Variants in EYS observed in about 807,000 individuals in gnomAD.
The protein encoded by EYS is EGF-like photoreceptor maintenance factor, also known as protein eyes shut homolog.
Under a neutral mutation model 282.1 loss-of-function variants are expected in EYS, and 250 were observed. The observed-to-expected ratio is 0.89, with a 90% CI of 0.80 to 0.98. EYS has a LOEUF of 0.98. Among genes scored for constraint, EYS ranks in the 50% least tolerant of loss-of-function variants. The pLI, the probability that EYS is intolerant of heterozygous loss-of-function variation, is 0.00. For synonymous variants in EYS, 1,355 were observed against 1,282.9 expected (o/e 1.06, Z -1.20); for missense variants, 4,016 against 3,709.0 (o/e 1.08, Z -2.15).
intron 12 of EYS, among the ~76,000 whole-genome samples, chr6:65,272,225 G>T (rs1767925288): frequency 6.6e-6 from 1 of 152,126 alleles, no homozygotes; most frequent in African/African-American, 2.4e-5. Context: ...GTACCCAATG[G>T]TGACTATTTA....
intron 39 of EYS, among the ~76,000 whole-genome samples, chr6:63,782,583 G>A (rs1770258680): frequency 6.6e-6 from 1 of 152,160 alleles, no homozygotes; most frequent in Admixed American, 6.5e-5. Flanking sequence ...ATTTCTGTGG[G>A]ATCGGTGGTG....
At chr6:65,244,424 T>C (rs1203450533) in intron 12 of EYS, among the ~76,000 whole-genome samples, 3 of 152,208 alleles carry the variant, frequency 2.0e-5, no homozygotes, top group Non-Finnish European at 4.4e-5. Context: ...TTTGTTCCTA[T>C]TGTTCTCTTA....
At chr6:64,497,197 A>T (rs774889645) in intron 26 of EYS, among the ~76,000 whole-genome samples, 3 of 152,160 alleles carry the variant, frequency 2.0e-5, no homozygotes, top group South Asian at 2.1e-4. Context: ...TTCTACTTGC[A>T]CATAGTGTAC....
chr6:64,570,949 C>T (rs796105219), intron 26 of EYS, among the ~76,000 whole-genome samples: 8 of 152,242 alleles, frequency 5.3e-5, no homozygotes, highest in African/African-American at 1.9e-4. Context: ...ATCTACAGAA[C>T]TCTCCACCCC....
At chr6:63,966,433 C>T (rs774740980) in intron 35 of EYS, among the ~76,000 whole-genome samples, 3 of 152,062 alleles carry the variant, frequency 2.0e-5, no homozygotes, top group Non-Finnish European at 2.9e-5. Flanking sequence ...GTGATGAGTG[C>T]ACCAAAATCT....
intron 2 of EYS, among the ~76,000 whole-genome samples, chr6:65,598,267 T>G (rs1353308272): frequency 9.4e-6 from 1 of 106,478 alleles, no homozygotes; most frequent in Non-Finnish European, 1.7e-5. Flanking sequence ...AAACAAAAAC[T>G]TTTCTCTCCT....
At chr6:64,514,516 GAACACT>G (rs1441721810) in intron 26 of EYS, among the ~76,000 whole-genome samples, 1 of 151,786 alleles carries the variant, frequency 6.6e-6, no homozygotes, top group Non-Finnish European at 1.5e-5. Flanking sequence ...TATTTTAATG[GAACACT>G]ACAAAGGCAT....
At chr6:65,540,872 G>T (rs146337596) in intron 2 of EYS, among the ~76,000 whole-genome samples, 1 of 152,032 alleles carries the variant, frequency 6.6e-6, no homozygotes, top group Non-Finnish European at 1.5e-5. Flanking sequence ...GCAGTGAGCC[G>T]AGATCACGCC....
At chr6:65,631,732 A>G (rs1459701580) in intron 2 of EYS, among the ~76,000 whole-genome samples, 1 of 152,192 alleles carries the variant, frequency 6.6e-6, no homozygotes, top group African/African-American at 2.4e-5. Flanking sequence ...TTGTGTCAGC[A>G]GTTCTAATGT....
chr6:64,570,921 C>G (rs1386898071), intron 26 of EYS, among the ~76,000 whole-genome samples: 6 of 152,092 alleles, frequency 3.9e-5, no homozygotes, highest in Non-Finnish European at 7.4e-5. Context: ...AGCTCTGGAC[C>G]AAGCAGACCT....
chr6:64,453,400 C>A (rs1370803814), intron 26 of EYS, among the ~76,000 whole-genome samples: 1 of 152,220 alleles, frequency 6.6e-6, no homozygotes, highest in Non-Finnish European at 1.5e-5. Flanking sequence ...TGCTTTTACA[C>A]TGTTGGTGGG....
intron 30 of EYS, among the ~76,000 whole-genome samples, chr6:64,287,001 T>A (rs2224007): frequency 0.69 from 104,287 of 151,976 alleles, 35,818 homozygotes; most frequent in South Asian, 0.71. Context: ...AAATGTTGGA[T>A]GCCTGGTGAG....
intron 33 of EYS, among the ~76,000 whole-genome samples, chr6:64,055,352 T>A (rs1034035219): frequency 2.0e-5 from 3 of 152,124 alleles, no homozygotes; most frequent in Non-Finnish European, 4.4e-5. Context: ...GAGGGATACT[T>A]GATGTTTTTT....
At chr6:65,549,290 A>T (rs996928470) in intron 2 of EYS, among the ~76,000 whole-genome samples, 1 of 151,922 alleles carries the variant, frequency 6.6e-6, no homozygotes, top group Admixed American at 6.6e-5. Flanking sequence ...AGAGACATAA[A>T]GCTATATCAC....
intron 30 of EYS, among the ~76,000 whole-genome samples, chr6:64,304,932 A>G (rs905096223): frequency 2.0e-5 from 3 of 152,188 alleles, no homozygotes; most frequent in South Asian, 2.1e-4. Context: ...AAGATCTCAA[A>G]TTCAACAAGT....
rs889954759 is a variant in EYS at position 65,426,742 on chromosome 6, T to A, written c.863-21375A>T. On this transcript the variant is annotated intron_variant, in intron 5 of 42. Coordinates refer to ENST00000503581, the MANE Select transcript of EYS (RefSeq NM_001142800.2). Reference sequence around the variant, plus strand: ...TCTACACTATTTTCCTTTTTAATCATAGGCAAGGAATTTACAATACATATT... The same window carrying A: ...TCTACACTATTTTCCTTTTTAATCAAAGGCAAGGAATTTACAATACATATT... Among the ~76,000 whole-genome samples, 5 of 152,262 alleles carry A rather than the reference T, an allele frequency of 3.3e-5. No homozygotes were observed. In the East Asian group the frequency reaches 7.7e-4, roughly 24 times the overall value.
chr6:64,045,968 A>G (rs1770607137), intron 33 of EYS, among the ~76,000 whole-genome samples: 2 of 136,500 alleles, frequency 1.5e-5, no homozygotes, highest in African/African-American at 5.0e-5. Context: ...TTATATATGT[A>G]ATCTATAATA....
chr6:64,489,201 A>T (rs1776663758), intron 26 of EYS, among the ~76,000 whole-genome samples: 1 of 150,894 alleles, frequency 6.6e-6, no homozygotes, highest in African/African-American at 2.4e-5. Context: ...ATATGTTCAC[A>T]GGTTTTACTG....
intron 1 of EYS, among the ~76,000 whole-genome samples, chr6:65,699,886 G>A (rs1303940691): frequency 1.3e-5 from 2 of 151,542 alleles, no homozygotes; most frequent in Admixed American, 6.6e-5. Flanking sequence ...AGGCCGAGGC[G>A]GGCGAATCAT....
Sources: allele counts gnomAD v4.1 joint callset (sites outside exome capture counted in the v4.1 genomes callset), GRCh38; gene constraint gnomAD v4.1.1; transcripts MANE v1.5; gene names NCBI Gene and HGNC (gene_info 2026-07-23, HGNC 2026-07-21).